Variants in ZNF479 observed in about 807,000 individuals in gnomAD.
ZNF479 encodes KRAB zinc finger protein KR19.
ZNF479 carries 15 observed loss-of-function variants against 14.7 expected under a neutral mutation model. That is an observed-to-expected ratio of 1.02 (90% CI 0.68 to 1.57). The LOEUF is 1.57. Ranked by LOEUF, ZNF479 falls within the 40% of genes most tolerant of loss-of-function variation. The pLI is 0.00. For missense variants in ZNF479, 506 were observed against 615.1 expected, an observed-to-expected ratio of 0.82 and a Z score of 1.88; for synonymous variants, 145 against 211.5, an observed-to-expected ratio of 0.69 and a Z score of 2.73.
At chr7:57,126,848 CTA>C (rs1235537820) in intron 1 of ZNF479, 130 bp from the exon 2 acceptor site, 1 of 727,264 alleles carries the variant, frequency 1.4e-6, no homozygotes, top group African/African-American at 1.8e-5. Flanking sequence ...ACAAGAGTGA[CTA>C]AAATTATTCA....
intron 3 of ZNF479, among the ~76,000 whole-genome samples, 154 bp downstream of exon 3, chr7:57,125,864 T>C (rs1284808777): frequency 6.6e-6 from 1 of 152,148 alleles, no homozygotes; most frequent in Non-Finnish European, 1.5e-5. Context: ...GCAGGAGGTG[T>C]CCCTATGTGA....
intron 3 of ZNF479, among the ~76,000 whole-genome samples, chr7:57,121,742 A>C (rs1785957214): frequency 6.6e-6 from 1 of 152,218 alleles, no homozygotes; most frequent in Non-Finnish European, 1.5e-5. Context: ...AGGTAGTTTT[A>C]TGTTAGTGTC....
chr7:57,119,753 C>T lies in ZNF479; in HGVS notation c.*87G>A. ...ATTAAGGTTTGGAACTGGTTAAAGG[C>T]TTGGCCACATTCTCTACATTTGTAG... On this transcript the variant is annotated 3_prime_UTR_variant, in exon 4 of 4. Transcript: ENST00000319636. The T allele has an allele frequency of 8.4e-7, 1 of 1,183,740 alleles. No homozygotes were observed. The allele number at this position is 1,183,740 out of a possible 1,614,324, so 73.3% of individuals were successfully genotyped here.
chr7:57,125,912 T>G, intron 3 of ZNF479, 106 bp downstream of exon 3: 1 of 1,460,292 alleles, frequency 6.8e-7, no homozygotes, highest in Non-Finnish European at 9.3e-7. Context: ...TCTCAGAAAC[T>G]CTTTTCATCA....
chr7:57,137,122 A>G (rs1786685003), upstream of ZNF479, among the ~76,000 whole-genome samples: 1 of 152,198 alleles, frequency 6.6e-6, no homozygotes, highest in South Asian at 2.1e-4. Flanking sequence ...AGAGAATTAA[A>G]TAATTTTTTT....
chr7:57,121,304 A>G, intron 3 of ZNF479, 152 bp from the exon 4 acceptor site: 1 of 664,786 alleles, frequency 1.5e-6, no homozygotes, highest in South Asian at 1.9e-5. Flanking sequence ...GTATAAATGT[A>G]ACAAAATCAT....
In ZNF479 at chr7:57,130,109, C is replaced by A. The variant is rs139909216; in HGVS notation, c.39+2177G>T. ...AAGTAAGAGCAAACCAACTTCAGAGCTCACAAAAGTCAAGAAATAACCAAA... is the reference window on the plus strand; with the variant it reads ...AAGTAAGAGCAAACCAACTTCAGAGATCACAAAAGTCAAGAAATAACCAAA... On this transcript the variant is annotated intron_variant, in intron 1 of 3. Coordinates refer to ENST00000319636, the MANE Select transcript of ZNF479 (RefSeq NM_001370129.2). Among the ~76,000 whole-genome samples the A allele has an allele frequency of 3.5e-4, 53 of 152,242 alleles. No individual in the cohort carries two copies. The East Asian group carries it at 0.01, about 29-fold the overall frequency.
chr7:57,121,752 C>A (rs560199207), intron 3 of ZNF479, among the ~76,000 whole-genome samples: 24 of 152,060 alleles, frequency 1.6e-4, no homozygotes, highest in African/African-American at 5.8e-4. Context: ...ATGTTAGTGT[C>A]TAAATCTCAA....
rs1315775536 is a variant in ZNF479 at position 57,123,409 on chromosome 7, C to T, written c.263-2257G>A. 2.6e-5 allele frequency among the ~76,000 whole-genome samples: 4 copies of T among 151,406 alleles called. No homozygotes were observed. The South Asian group carries it at 6.3e-4, about 24-fold the overall frequency. ...ACATTTCAACATGCGATTTGGAGGG[C>T]ATCTACACCATATCACAAACCAAAT... is the stretch of plus-strand genomic sequence containing the variant. On this transcript the variant is annotated intron_variant, in intron 3 of 3. Coordinates refer to ENST00000319636, the MANE Select transcript of ZNF479 (RefSeq NM_001370129.2).
rs551112048 is a variant in ZNF479 at position 57,126,694 on chromosome 7, C to G, written c.64G>C (p.Ala22Pro). The G allele has an allele frequency of 6.2e-7, 1 of 1,613,888 alleles. No homozygotes were observed. The highest frequency in any genetic ancestry group is 2.2e-5 in the East Asian group (1 of 44,874). The change falls in exon 2 of 4, where the codon GCT (alanine) becomes CCT (proline). Residue 22 changes from alanine to proline, a missense_variant. Physicochemically the swap from Ala to Pro is conservative, Grantham distance 27. Coordinates refer to ENST00000319636, the MANE Select transcript of ZNF479 (RefSeq NM_001370129.2). ...CATTCCTCCAGAGAGAATTCTATAG[C>G]TATGTCTCTGAATGTCAACAGTCCC... Reference protein sequence around the residue: ...EMGLLTFRDIAIEFSLEEWQC... With the variant: ...EMGLLTFRDIPIEFSLEEWQC...
chr7:57,132,277 A>C lies in ZNF479; in HGVS notation c.39+9T>G, dbSNP rs1168676010. ...ACCCCTCTCTCACGATGACAGACCC[A>C]GCACTCACCATTTCTCGGCTTCCAG... On this transcript the variant is annotated intron_variant, in intron 1 of 3. Coordinates refer to ENST00000319636, the MANE Select transcript of ZNF479 (RefSeq NM_001370129.2). 1.2e-6 allele frequency: 2 copies of C among 1,614,054 alleles called. No homozygotes were observed. Among genetic ancestry groups the C allele is most frequent in the Admixed American group, 3.3e-5 (2 of 60,018 alleles).
chr7:57,122,034 T>C (rs1260801798), intron 3 of ZNF479, among the ~76,000 whole-genome samples: 4 of 151,896 alleles, frequency 2.6e-5, no homozygotes, highest in Non-Finnish European at 4.4e-5. Context: ...GAAAAAAGTA[T>C]GTAAAAAATG....
chr7:57,133,696 G>C (rs1786528833), upstream of ZNF479, among the ~76,000 whole-genome samples: 1 of 152,036 alleles, frequency 6.6e-6, no homozygotes, highest in African/African-American at 2.4e-5. Context: ...TGAAACCCCT[G>C]CTCTACCAAA....
At chr7:57,131,650 G>A (rs1203051366) in intron 1 of ZNF479, among the ~76,000 whole-genome samples, 1 of 151,222 alleles carries the variant, frequency 6.6e-6, no homozygotes, top group Non-Finnish European at 1.5e-5. Context: ...GGCAACCACA[G>A]ACTGCCAATT....
At chr7:57,129,472 T>C (rs1166416622) in intron 1 of ZNF479, among the ~76,000 whole-genome samples, 1 of 151,990 alleles carries the variant, frequency 6.6e-6, no homozygotes, top group East Asian at 1.9e-4. Context: ...GTCACAATAC[T>C]AATACTACTG....
chr7:57,121,968 A>G (rs1450771732), intron 3 of ZNF479, among the ~76,000 whole-genome samples: 1 of 152,094 alleles, frequency 6.6e-6, no homozygotes, highest in Non-Finnish European at 1.5e-5. Flanking sequence ...AACTTGCAAT[A>G]ATAAAAATAA....
At chr7:57,124,948 C>T (rs1450379632) in intron 3 of ZNF479, among the ~76,000 whole-genome samples, 1 of 152,040 alleles carries the variant, frequency 6.6e-6, no homozygotes, top group Non-Finnish European at 1.5e-5. Context: ...TGGCACATCC[C>T]TGATCCCAGC....
At chr7:57,124,681 G>A (rs1461864661) in intron 3 of ZNF479, among the ~76,000 whole-genome samples, 7 of 152,112 alleles carry the variant, frequency 4.6e-5, no homozygotes, top group South Asian at 4.1e-4. Context: ...CCAAGAAATC[G>A]GTGACAATAT....
chr7:57,135,574 G>C (rs1219460666), upstream of ZNF479, among the ~76,000 whole-genome samples: 1 of 151,856 alleles, frequency 6.6e-6, no homozygotes, highest in Non-Finnish European at 1.5e-5. Context: ...CACCACACCT[G>C]GCTAATTTTT....
Sources: allele counts gnomAD v4.1 joint callset (sites outside exome capture counted in the v4.1 genomes callset), GRCh38; gene constraint gnomAD v4.1.1; transcripts MANE v1.5; gene names NCBI Gene and HGNC (gene_info 2026-07-23, HGNC 2026-07-21).